TYW1: variants seen among roughly 807,000 people sequenced by gnomAD.
TYW1 encodes the protein S-adenosyl-L-methionine-dependent tRNA 4-demethylwyosine synthase TYW1.
In TYW1, 46 loss-of-function variants were observed where a neutral mutation model predicts 96.2. The ratio of observed to expected loss-of-function variants is 0.48; its 90% CI spans 0.38 to 0.61. The LOEUF (loss-of-function observed/expected upper bound fraction) is 0.61. Ranked by LOEUF, TYW1 falls within the 20% of genes least tolerant of loss-of-function variation. The pLI is 0.00. For synonymous variants in TYW1, 274 were observed against 323.0 expected (o/e 0.85, Z 1.63); for missense variants, 684 against 909.6 (o/e 0.75, Z 3.19).
At chr7:67,040,350 T>C (rs1794978161) in intron 7 of TYW1, among the ~76,000 whole-genome samples, 1 of 152,064 alleles carries the variant, frequency 6.6e-6, no homozygotes, top group African/African-American at 2.4e-5. Context: ...CTGAGACCTT[T>C]CTTACTTTTG....
At position 67,032,885 on chromosome 7, in the gene TYW1, C is replaced by CTTTTTTT. The variant is rs778743156; in HGVS notation, c.984+7886_984+7892dup. Among the ~76,000 whole-genome samples the CTTTTTTT allele has an allele frequency of 7.9e-3, 603 of 76,262 alleles. 86 individuals are homozygous for CTTTTTTT. The highest frequency in any genetic ancestry group is 0.02 in the East Asian group (56 of 2,750). The allele number at this position is 76,262 out of a possible 152,430, so 50.0% of individuals were successfully genotyped here. A position where few individuals can be genotyped will look rare whatever the true frequency, so the allele number is the denominator to read the frequency against. On this transcript the variant is annotated intron_variant, in intron 7 of 15. Transcript: ENST00000359626. ...ATTTTCCAGCAGCAGAGAAGTATAC[C>CTTTTTTT]TTTTTTTTTTTTTTTTTTTTTTTTT... is the stretch of plus-strand genomic sequence containing the variant.
chr7:66,999,449 C>T (rs887573896), intron 3 of TYW1, among the ~76,000 whole-genome samples: 6 of 152,124 alleles, frequency 3.9e-5, no homozygotes, highest in Admixed American at 6.5e-5. Context: ...CCACCTCCAC[C>T]TCAAGCGATT....
intron 15 of TYW1, among the ~76,000 whole-genome samples, chr7:67,219,528 G>A (rs903140949): frequency 4.6e-5 from 7 of 152,250 alleles, no homozygotes; most frequent in South Asian, 2.1e-4. Flanking sequence ...GCTATTCTTC[G>A]TAGGGAGATC....
At chr7:67,226,680 T>C (rs1294382292) in intron 15 of TYW1, among the ~76,000 whole-genome samples, 2 of 152,202 alleles carry the variant, frequency 1.3e-5, no homozygotes, top group Non-Finnish European at 2.9e-5. Flanking sequence ...TGAATTACTC[T>C]TTCTCCATTA....
At chr7:67,229,676 A>C (rs1801685023) in intron 15 of TYW1, among the ~76,000 whole-genome samples, 1 of 152,136 alleles carries the variant, frequency 6.6e-6, no homozygotes, top group Admixed American at 6.5e-5. Flanking sequence ...TGCTCTGGCC[A>C]GGTGAGGTGG....
chr7:67,141,887 T>C (rs1449661560), intron 13 of TYW1, among the ~76,000 whole-genome samples: 1 of 151,930 alleles, frequency 6.6e-6, no homozygotes, highest in South Asian at 2.1e-4. Context: ...AATACAAAAT[T>C]AGCTGGGCGT....
chr7:67,198,621 G>A (rs1800485677), intron 15 of TYW1, among the ~76,000 whole-genome samples: 1 of 151,784 alleles, frequency 6.6e-6, no homozygotes, highest in Non-Finnish European at 1.5e-5. Context: ...AGGTTTGCAA[G>A]GCACATACAG....
chr7:67,143,576 G>C (rs1798515372), intron 13 of TYW1, among the ~76,000 whole-genome samples: 1 of 152,188 alleles, frequency 6.6e-6, no homozygotes, highest in Admixed American at 6.5e-5. Flanking sequence ...TGGCGATTTG[G>C]GAAAGCACGT....
chr7:67,219,913 T>C (rs1276398114), intron 15 of TYW1, among the ~76,000 whole-genome samples: 1 of 150,260 alleles, frequency 6.7e-6, no homozygotes, highest in Non-Finnish European at 1.5e-5. Flanking sequence ...TTCCTTCTGC[T>C]AGCTTTTGGT....
chr7:67,184,627 ATTTTATTTTATTTTAT>A (rs1185461272), intron 14 of TYW1, among the ~76,000 whole-genome samples: 21 of 94,876 alleles, frequency 2.2e-4, no homozygotes, highest in Admixed American at 6.9e-4. Context: ...ATTTTATTTT[ATTTTATTTTATTTTAT>A]TTTATTTATG....
intron 9 of TYW1, among the ~76,000 whole-genome samples, chr7:67,056,468 G>A (rs541370714): frequency 4.6e-5 from 7 of 151,230 alleles, no homozygotes; most frequent in African/African-American, 1.5e-4. Context: ...CTCCAGCCTG[G>A]GTGATAAGAG....
intron 13 of TYW1, among the ~76,000 whole-genome samples, chr7:67,141,761 C>T (rs901768728): frequency 2.0e-5 from 3 of 152,220 alleles, no homozygotes; most frequent in African/African-American, 7.2e-5. Context: ...TGAGGCCAGG[C>T]ATGGTGGCTC....
chr7:67,226,153 CCTT>C (rs1375810619), intron 15 of TYW1, among the ~76,000 whole-genome samples: 5 of 152,304 alleles, frequency 3.3e-5, no homozygotes, highest in Admixed American at 2.0e-4. Context: ...TCCAAGCTGT[CCTT>C]CTTCATTCTT....
chr7:67,198,599 A>G (rs1224707194), intron 15 of TYW1, among the ~76,000 whole-genome samples: 2 of 151,980 alleles, frequency 1.3e-5, no homozygotes. Flanking sequence ...TTTTATATAA[A>G]GTAAATATTT....
At chr7:67,157,584 C>T (rs10274725) in intron 13 of TYW1, among the ~76,000 whole-genome samples, 39,474 of 152,122 alleles carry the variant, frequency 0.26, 5,595 homozygotes, top group African/African-American at 0.38. Context: ...CCGTGCCCGG[C>T]CTATGACCAA....
chr7:67,064,774 C>A (rs1383960492), intron 9 of TYW1, among the ~76,000 whole-genome samples: 1 of 152,118 alleles, frequency 6.6e-6, no homozygotes, highest in Non-Finnish European at 1.5e-5. Context: ...GGGACACAGC[C>A]AAACCATTTC....
intron 9 of TYW1, among the ~76,000 whole-genome samples, chr7:67,059,130 C>T (rs574264110): frequency 3.6e-5 from 5 of 140,500 alleles, no homozygotes; most frequent in Non-Finnish European, 4.6e-5. Flanking sequence ...GACAGGGTCT[C>T]GCTCTGTCAC....
intron 13 of TYW1, among the ~76,000 whole-genome samples, chr7:67,176,853 C>T (rs1308148391): frequency 1.3e-5 from 2 of 152,052 alleles, no homozygotes; most frequent in East Asian, 3.8e-4. Context: ...GTTGGGGAGA[C>T]TGTCCCGTGC....
chr7:67,099,548 G>C (rs1797024253), intron 12 of TYW1, among the ~76,000 whole-genome samples: 3 of 152,222 alleles, frequency 2.0e-5, no homozygotes, highest in Admixed American at 2.0e-4. Flanking sequence ...TTCAAATGCG[G>C]TCCTTTGGAA....
Sources: gnomAD v4.1 joint callset for allele counts (sites outside exome capture counted in the v4.1 genomes callset) on GRCh38, gnomAD v4.1.1 for gene constraint, MANE v1.5 for transcripts, NCBI Gene and HGNC (gene_info 2026-07-23, HGNC 2026-07-21) for gene names.